Variants in TMC5 observed in about 807,000 individuals in gnomAD.
TMC5 encodes transmembrane channel-like protein 5.
Under a neutral mutation model 110.5 loss-of-function variants are expected in TMC5, and 86 were observed. The observed-to-expected ratio is 0.78, with a 90% CI of 0.65 to 0.93. The LOEUF (loss-of-function observed/expected upper bound fraction) is 0.93. Ranked by LOEUF, TMC5 falls within the 40% of genes least tolerant of loss-of-function variation. The pLI is 0.00. For missense variants in TMC5, 1,144 were observed against 1,222.8 expected, an observed-to-expected ratio of 0.94 and a Z score of 0.96; for synonymous variants, 455 against 439.5, an observed-to-expected ratio of 1.04 and a Z score of -0.44.
intron 12 of TMC5, among the ~76,000 whole-genome samples, chr16:19,475,524 G>A (rs115698942): frequency 0.024 from 3,696 of 151,870 alleles, 147 homozygotes; most frequent in African/African-American, 0.084. Context: ...TCCGGCTCCC[G>A]GCCAGCGCTC....
Position 19,477,428 on chromosome 16 carries a change from T to C in TMC5, c.2091-12T>C. 2 of 1,592,158 alleles carry C rather than the reference T, an allele frequency of 1.3e-6. No individual in the cohort carries two copies. Among genetic ancestry groups the C allele is most frequent in the Non-Finnish European group, 1.7e-6 (2 of 1,160,220 alleles). ...ATTGAAGGTAATCATAAATGTTGTC[T>C]CTTCTGTTTAGAAACATCTTTTTGA... On this transcript the variant is annotated splice_polypyrimidine_tract_variant and intron_variant, in intron 12 of 21. Transcript: ENST00000542583.
chr16:19,446,878 AGT>A (rs1967626274), intron 4 of TMC5, among the ~76,000 whole-genome samples: 1 of 152,176 alleles, frequency 6.6e-6, no homozygotes, highest in Admixed American at 6.6e-5. Context: ...TCACTTGTCC[AGT>A]GTCACCCCAT....
rs781499805 is a variant in TMC5, at chr16:19,494,279, G to T, written c.2844G>T (p.Met948Ile). The stretch of plus-strand genomic sequence containing the variant: ...CTTGGTAGGAGGGCAAAGATAAAAT[G>T]TTCCTGATAGAAAAATTGATCAAGC... ...EQIINEGKDKMFLIEKLIKLQ... is the reference protein window; with the variant it reads ...EQIINEGKDKIFLIEKLIKLQ... The change falls in exon 20 of 22, where the codon ATG becomes ATT. Residue 948 changes from methionine to isoleucine, a missense_variant. By Grantham distance (10) the Met-to-Ile change is conservative. Coordinates refer to ENST00000542583, the MANE Select transcript of TMC5 (RefSeq NM_001261841.2). The T allele has an allele frequency of 3.1e-6, 5 of 1,612,596 alleles. No homozygotes were observed. Among genetic ancestry groups the T allele is most frequent in the Non-Finnish European group, 3.4e-6 (4 of 1,179,298 alleles).
chr16:19,473,932 A>T (rs1968415876), intron 11 of TMC5, among the ~76,000 whole-genome samples, 193 bp from the exon 12 acceptor site: 1 of 152,164 alleles, frequency 6.6e-6, no homozygotes, highest in South Asian at 2.1e-4. Context: ...GTGAGCTGAG[A>T]TCGCGCCACT....
At chr16:19,482,849 CTTATTTATTTAT>C (rs535102307) in intron 15 of TMC5, among the ~76,000 whole-genome samples, 19 of 151,834 alleles carry the variant, frequency 1.3e-4, no homozygotes, top group African/African-American at 4.3e-4. Flanking sequence ...GCTGTGTTTC[CTTATTTATTTAT>C]TTATTTATTT....
intron 19 of TMC5, among the ~76,000 whole-genome samples, chr16:19,492,943 A>ATATTTAGATATATATATATATATAT (rs61334845): frequency 1.1e-5 from 1 of 92,078 alleles, no homozygotes; most frequent in East Asian, 3.0e-4. Flanking sequence ...TCTCTCTATA[A>ATATTTAGATATATATATATATATAT]GATAAATACT....
Position 19,490,474 on chromosome 16 carries a change from C to CTT in TMC5, c.2654_2655insTT (p.Ser886Ter), listed in dbSNP as rs746295426. 6.2e-7 allele frequency: 1 copy of CTT among 1,614,180 alleles called. No individual in the cohort carries two copies. The highest frequency in any genetic ancestry group is 1.1e-5 in the South Asian group (1 of 91,084). On this transcript the variant is annotated frameshift_variant, in exon 18 of 22. Transcript: ENST00000542583. LOFTEE classifies it high-confidence loss of function. The stretch of plus-strand genomic sequence containing the variant: ...CTCCATCTACAGCTGGATCGACACC[C>CTT]TAAGTACACGGCCTGGCTACCTGTG...
At chr16:19,486,201 A>G (rs1354062989) in intron 15 of TMC5, among the ~76,000 whole-genome samples, 1 of 152,098 alleles carries the variant, frequency 6.6e-6, no homozygotes, top group Non-Finnish European at 1.5e-5. Context: ...CATCAATTTC[A>G]TATCTTACAG....
chr16:19,424,621 C>T (rs1432058252), intron 1 of TMC5, among the ~76,000 whole-genome samples: 1 of 152,028 alleles, frequency 6.6e-6, no homozygotes, highest in Non-Finnish European at 1.5e-5. Flanking sequence ...TGCCCTTCAG[C>T]CTGGGTGACA....
intron 1 of TMC5, among the ~76,000 whole-genome samples, chr16:19,412,423 T>C (rs1329120836): frequency 1.3e-5 from 2 of 150,820 alleles, no homozygotes; most frequent in Non-Finnish European, 2.9e-5. Context: ...TGGAGTGCAA[T>C]GGTGCAATCT....
At chr16:19,495,624 G>A (rs1304333552) in intron 20 of TMC5, among the ~76,000 whole-genome samples, 1 of 151,964 alleles carries the variant, frequency 6.6e-6, no homozygotes, top group African/African-American at 2.4e-5. Context: ...AGGTGGGAGG[G>A]GAGGACTGCT....
chr16:19,420,491 C>T (rs1265156909), intron 1 of TMC5, among the ~76,000 whole-genome samples: 1 of 151,878 alleles, frequency 6.6e-6, no homozygotes, highest in African/African-American at 2.4e-5. Context: ...GACAGAGTTT[C>T]ACTCTGTCCC....
rs545903647 is a variant in TMC5 at position 19,439,382 on chromosome 16, C to A, written c.-79-578C>A. ...TGAACCCTAGAACCTCAAGTGTAAT[C>A]AAAAAGCACAAAAAGTCCTTGTTTC... is the stretch of plus-strand genomic sequence containing the variant. On this transcript the variant is annotated intron_variant, in intron 2 of 21. Coordinates refer to ENST00000542583, the MANE Select transcript of TMC5 (RefSeq NM_001261841.2). 4.6e-5 allele frequency among the ~76,000 whole-genome samples: 7 copies of A among 152,280 alleles called. No individual in the cohort carries two copies. The South Asian group carries it at 6.2e-4, about 14-fold the overall frequency.
At chr16:19,494,457 G>A in intron 20 of TMC5, 91 bp downstream of exon 20, 1 of 795,444 alleles carries the variant, frequency 1.3e-6, no homozygotes, top group Non-Finnish European at 2.1e-6. Flanking sequence ...AAGCTCTTGG[G>A]ATCATGGAAG....
chr16:19,487,069 G>C, intron 16 of TMC5, 49 bp downstream of exon 16: 1 of 1,610,214 alleles, frequency 6.2e-7, no homozygotes, highest in Non-Finnish European at 8.5e-7. Context: ...AGTCACCTGT[G>C]ACCTGGTGGC....
intron 1 of TMC5, among the ~76,000 whole-genome samples, chr16:19,418,991 A>G (rs1966918628): frequency 6.6e-6 from 1 of 152,182 alleles, no homozygotes; most frequent in Non-Finnish European, 1.5e-5. Context: ...AGCCTGCCAA[A>G]GTGCTGGCAT....
chr16:19,440,591 A>C lies in TMC5; in HGVS notation c.553A>C (p.Arg185=). ...AGCCAATTTGAACCATCCAGGATCC[A>C]GAAAGAATCTGGAACATACAAGTTT... ...PRANLNHPGS[R]KNLEHTSFRI... Residue 185 remains arginine (R), a synonymous_variant, in exon 3 of 22, where the codon AGA becomes CGA. Coordinates refer to ENST00000542583, the MANE Select transcript of TMC5 (RefSeq NM_001261841.2). 10 of 1,614,204 alleles carry C rather than the reference A, an allele frequency of 6.2e-6. No individual in the cohort carries two copies. The highest frequency in any genetic ancestry group is 7.6e-6 in the Non-Finnish European group (9 of 1,180,042).
intron 2 of TMC5, among the ~76,000 whole-genome samples, chr16:19,436,302 GA>G (rs1967348306): frequency 8.9e-6 from 1 of 112,128 alleles, no homozygotes; most frequent in African/African-American, 3.4e-5. Context: ...AAAAGAAAAA[GA>G]AAAACAGTTT....
intron 20 of TMC5, among the ~76,000 whole-genome samples, chr16:19,494,859 A>AG (rs1228037310): frequency 5.9e-5 from 9 of 152,168 alleles, no homozygotes; most frequent in Middle Eastern, 3.4e-3. Context: ...TACTTTTTCT[A>AG]GGTGCTGGGG....
Sources: allele counts gnomAD v4.1 joint callset (sites outside exome capture counted in the v4.1 genomes callset), GRCh38; gene constraint gnomAD v4.1.1; transcripts MANE v1.5; gene names NCBI Gene and HGNC (gene_info 2026-07-23, HGNC 2026-07-21).